Variants in LRP1B observed in about 807,000 individuals in gnomAD.
LRP1B encodes LDL receptor related protein 1B, also known as low-density lipoprotein receptor-related protein 1B.
Under a neutral mutation model 556.6 loss-of-function variants are expected in LRP1B, and 217 were observed. The observed-to-expected ratio is 0.39, with a 90% CI of 0.35 to 0.44. The LOEUF (loss-of-function observed/expected upper bound fraction) is 0.44, where lower values mean the gene tolerates loss of function less well. Ranked by LOEUF, LRP1B falls within the 20% of genes least tolerant of loss-of-function variation. The pLI is 1.00. For synonymous variants in LRP1B, 2,047 were observed against 1,865.8 expected, an observed-to-expected ratio of 1.10 and a Z score of -2.50; for missense variants, 5,053 against 5,620.8, an observed-to-expected ratio of 0.90 and a Z score of 3.23.
At chr2:140,892,830 G>C (rs1423442352) in intron 23 of LRP1B, among the ~76,000 whole-genome samples, 1 of 152,144 alleles carries the variant, frequency 6.6e-6, no homozygotes, top group Non-Finnish European at 1.5e-5. Flanking sequence ...CTAGTGATTA[G>C]AAGTAACAGA....
intron 35 of LRP1B, among the ~76,000 whole-genome samples, chr2:140,759,650 A>G (rs1479898865): frequency 6.6e-6 from 1 of 152,190 alleles, no homozygotes; most frequent in Admixed American, 6.5e-5. Context: ...AACTGTTGCC[A>G]AGTACTTTGG....
At chr2:141,415,007 A>T (rs548306401) in intron 3 of LRP1B, among the ~76,000 whole-genome samples, 2 of 149,530 alleles carry the variant, frequency 1.3e-5, no homozygotes. Context: ...TTTCTAATGT[A>T]CTTTTGTTTT....
At chr2:141,779,907 T>C (rs1345090606) in intron 2 of LRP1B, among the ~76,000 whole-genome samples, 1 of 151,810 alleles carries the variant, frequency 6.6e-6, no homozygotes, top group Admixed American at 6.6e-5. Flanking sequence ...CCTAAATTGA[T>C]TATTTTATAC....
chr2:141,436,615 T>C (rs957286631), intron 3 of LRP1B, among the ~76,000 whole-genome samples: 1 of 152,212 alleles, frequency 6.6e-6, no homozygotes, highest in African/African-American at 2.4e-5. Flanking sequence ...TTAGGTGATA[T>C]ATATGTATTT....
At chr2:141,417,522 T>C (rs1456312091) in intron 3 of LRP1B, among the ~76,000 whole-genome samples, 1 of 152,212 alleles carries the variant, frequency 6.6e-6, no homozygotes, top group African/African-American at 2.4e-5. Context: ...TCACTTAGCA[T>C]AACATCCTTT....
intron 1 of LRP1B, among the ~76,000 whole-genome samples, chr2:141,987,803 G>A (rs1220571292): frequency 4.0e-5 from 6 of 151,782 alleles, no homozygotes; most frequent in Non-Finnish European, 7.4e-5. Context: ...CACTGTTAAT[G>A]TATGATTAGC....
rs524089 is a variant in LRP1B, at chr2:140,642,495, C to T, written c.6800-40856G>A. Among the ~76,000 whole-genome samples, 1,442 of 152,176 alleles carry T rather than the reference C, an allele frequency of 9.5e-3. 23 individuals carry two copies. The highest frequency in any genetic ancestry group is 0.033 in the African/African-American group (1,380 of 41,514). On this transcript the variant is annotated intron_variant, in intron 41 of 90. Transcript: ENST00000389484. Reference sequence around the variant, plus strand: ...GTGGGAGAGAAACCTGAATTATCAGCACCTACTGAGATGAAAGAGTGATAA... The same window carrying T: ...GTGGGAGAGAAACCTGAATTATCAGTACCTACTGAGATGAAAGAGTGATAA...
intron 18 of LRP1B, among the ~76,000 whole-genome samples, chr2:140,978,993 T>A (rs1452617134): frequency 6.6e-6 from 1 of 152,194 alleles, no homozygotes; most frequent in Non-Finnish European, 1.5e-5. Flanking sequence ...TATTTTATTT[T>A]TTTGAGATAG....
intron 3 of LRP1B, among the ~76,000 whole-genome samples, chr2:141,413,868 G>GGA (rs139239783): frequency 0.011 from 1,590 of 148,180 alleles, 14 homozygotes; most frequent in African/African-American, 0.026. Flanking sequence ...GACACAGTGA[G>GGA]GAGAGAGAGA....
chr2:140,348,925 A>G (rs781011697), intron 77 of LRP1B, among the ~76,000 whole-genome samples: 1 of 152,134 alleles, frequency 6.6e-6, no homozygotes, highest in Non-Finnish European at 1.5e-5. Flanking sequence ...AAGACAATTT[A>G]CTTATGAATA....
At chr2:140,864,916 C>G (rs1245615556) in intron 27 of LRP1B, among the ~76,000 whole-genome samples, 1 of 151,944 alleles carries the variant, frequency 6.6e-6, no homozygotes, top group East Asian at 1.9e-4. Context: ...ACTCATGAAT[C>G]TGAAATAAAA....
At chr2:141,659,787 A>G (rs1160341222) in intron 2 of LRP1B, among the ~76,000 whole-genome samples, 1 of 152,194 alleles carries the variant, frequency 6.6e-6, no homozygotes, top group African/African-American at 2.4e-5. Flanking sequence ...TGCTTATTAC[A>G]GTATCTCTCA....
intron 1 of LRP1B, among the ~76,000 whole-genome samples, chr2:142,033,908 A>G (rs1269992876): frequency 6.6e-6 from 1 of 151,790 alleles, no homozygotes; most frequent in African/African-American, 2.4e-5. Flanking sequence ...GGCTGCCTTC[A>G]CCTGAGTTCC....
At chr2:140,689,989 T>G (rs1188867070) in intron 41 of LRP1B, among the ~76,000 whole-genome samples, 1 of 152,184 alleles carries the variant, frequency 6.6e-6, no homozygotes, top group Non-Finnish European at 1.5e-5. Flanking sequence ...TATAAAACTT[T>G]CCATCCCAAA....
chr2:141,234,182 TC>T (rs1683572799), intron 5 of LRP1B, among the ~76,000 whole-genome samples: 2 of 151,994 alleles, frequency 1.3e-5, no homozygotes, highest in Admixed American at 1.3e-4. Flanking sequence ...GGTTTTTTTT[TC>T]AGATTTACTC....
chr2:141,787,385 C>T (rs1595319), intron 2 of LRP1B, among the ~76,000 whole-genome samples: 85,196 of 151,654 alleles, frequency 0.56, 25,171 homozygotes, highest in African/African-American at 0.75. Context: ...GATACAGCTA[C>T]ACAATAGAAT....
At chr2:140,638,494 T>C (rs1684155899) in intron 41 of LRP1B, among the ~76,000 whole-genome samples, 1 of 152,200 alleles carries the variant, frequency 6.6e-6, no homozygotes, top group African/African-American at 2.4e-5. Flanking sequence ...TTAAAAAGAT[T>C]AAACTCTCTG....
chr2:141,870,358 C>T (rs1412847978), intron 1 of LRP1B, among the ~76,000 whole-genome samples: 1 of 151,788 alleles, frequency 6.6e-6, no homozygotes, highest in Non-Finnish European at 1.5e-5. Context: ...TTGATTCTAG[C>T]CTTTATACCA....
chr2:141,955,416 A>G lies in LRP1B; in HGVS notation c.83-145015T>C, dbSNP rs150707987. On this transcript the variant is annotated intron_variant, in intron 1 of 90. Coordinates refer to ENST00000389484, the MANE Select transcript of LRP1B (RefSeq NM_018557.3). ...AGCACTTTTTGCAAGATGCTTCCAG[A>G]TTTATGGGTATTTAGGTTATTTCTG... Among the ~76,000 whole-genome samples the G allele has an allele frequency of 1.4e-3, 206 of 152,138 alleles. 3 individuals carry two copies. The highest frequency in any genetic ancestry group is 4.8e-3 in the African/African-American group (199 of 41,534).
Sources: gnomAD v4.1 joint callset for allele counts (sites outside exome capture counted in the v4.1 genomes callset) on GRCh38, gnomAD v4.1.1 for gene constraint, MANE v1.5 for transcripts, NCBI Gene and HGNC (gene_info 2026-07-23, HGNC 2026-07-21) for gene names.